The following SAFB variants were observed in gnomAD, a reference collection of about 807,000 sequenced individuals.
SAFB encodes scaffold attachment factor B, also known as scaffold attachment factor B1.
Under a neutral mutation model 101.6 loss-of-function variants are expected in SAFB, and 15 were observed. The ratio of observed to expected loss-of-function variants is 0.15; its 90% confidence interval spans 0.10 to 0.23. SAFB has a LOEUF of 0.23. Among genes scored for constraint, SAFB ranks in the 10% least tolerant of loss-of-function variants. The pLI is 1.00. For missense variants in SAFB, 930 were observed against 1,104.1 expected (o/e 0.84, Z 2.23); for synonymous variants, 449 against 407.5 (o/e 1.10, Z -1.23).
chr19:5,646,439 A>G (rs946950175), intron 5 of SAFB, among the ~76,000 whole-genome samples: 2 of 152,190 alleles, frequency 1.3e-5, no homozygotes, highest in African/African-American at 4.8e-5. Context: ...GGATCTTGTC[A>G]CTTTCCCCTG....
chr19:5,647,718 CT>C (rs536331999), intron 5 of SAFB, among the ~76,000 whole-genome samples: 24 of 152,298 alleles, frequency 1.6e-4, no homozygotes, highest in African/African-American at 5.5e-4. Context: ...AAACACTGCT[CT>C]CCTTGAATTT....
At chr19:5,662,643 CT>C (rs564198873) in intron 15 of SAFB, among the ~76,000 whole-genome samples, 1,676 of 138,980 alleles carry the variant, frequency 0.012, 18 homozygotes, top group African/African-American at 0.035. Context: ...AGGCCCTTTC[CT>C]TTTTTTTTTT....
At chr19:5,644,393 T>C (rs1877738633) in intron 4 of SAFB, among the ~76,000 whole-genome samples, 1 of 152,166 alleles carries the variant, frequency 6.6e-6, no homozygotes, top group South Asian at 2.1e-4. Context: ...TCAAACAATC[T>C]CCAAAAGAGA....
Position 5,667,049 on chromosome 19 carries a change from T to C in SAFB, c.2338T>C (p.Tyr780His), listed in dbSNP as rs770957925. Residue 780 changes from tyrosine to histidine, a missense_variant, in exon 18 of 21, where the codon TAC (tyrosine) becomes CAC (histidine). This residue lies in a region of SAFB where 318 missense variants were observed against 342.6 expected (regional missense o/e 0.93). Coordinates refer to ENST00000588852, the MANE Select transcript of SAFB (RefSeq NM_001201338.2). The surrounding 1 kb of genome is among the most constrained non-coding windows in gnomAD (Gnocchi z 4.0). ...SMMGEREGQH[Y>H]PERHGGPERH... ...CTTCTGGCTCTGTGATGTCCAGCAT[T>C]ACCCAGAACGCCATGGAGGACCAGA... 3.1e-6 allele frequency: 5 copies of C among 1,597,466 alleles called. No homozygotes were observed. In the South Asian group the frequency reaches 5.5e-5, roughly 18 times the overall value.
At position 5,623,677 on chromosome 19, in the gene SAFB, T is replaced by G. The variant is rs115239699; in HGVS notation, c.189+283T>G. 5.5e-3 allele frequency among the ~76,000 whole-genome samples: 836 copies of G among 152,048 alleles called. 3 individuals carry two copies. Among genetic ancestry groups the G allele is most frequent in the African/African-American group, 0.02 (810 of 41,502 alleles). On this transcript the variant is annotated intron_variant, in intron 1 of 20. Coordinates refer to ENST00000588852, the MANE Select transcript of SAFB (RefSeq NM_001201338.2). ...ACATCGTCCACTGAGAGGAGGGTTC[T>G]CCCCTCGTCTCGTCCCCTCCTCCGT...
At chr19:5,652,204 A>T (rs1332048760) in intron 9 of SAFB, among the ~76,000 whole-genome samples, 1 of 152,054 alleles carries the variant, frequency 6.6e-6, no homozygotes, top group Non-Finnish European at 1.5e-5. Context: ...AAAAGAAAAA[A>T]AAAAAGGATA....
chr19:5,642,318 G>A (rs1189561400), intron 4 of SAFB, among the ~76,000 whole-genome samples: 1 of 152,158 alleles, frequency 6.6e-6, no homozygotes, highest in African/African-American at 2.4e-5. Flanking sequence ...TGGGTGCCTT[G>A]ATGCACTCAT....
chr19:5,642,618 A>G (rs1233083631), intron 4 of SAFB, among the ~76,000 whole-genome samples: 2 of 143,374 alleles, frequency 1.4e-5, no homozygotes, highest in Non-Finnish European at 3.0e-5. Flanking sequence ...CCTGAATACT[A>G]CCTACCAGGC....
intron 14 of SAFB, among the ~76,000 whole-genome samples, chr19:5,661,182 A>G (rs1449277844): frequency 6.6e-6 from 1 of 151,838 alleles, no homozygotes; most frequent in Non-Finnish European, 1.5e-5. Flanking sequence ...CAGCCTCCCA[A>G]AGTGCTGGCA....
intron 2 of SAFB, among the ~76,000 whole-genome samples, chr19:5,627,231 AC>A (rs935709671): frequency 3.3e-5 from 5 of 151,918 alleles, no homozygotes; most frequent in African/African-American, 1.2e-4. Context: ...TGTAATCCCA[AC>A]ACTTTGGGAA....
chr19:5,648,475 T>C (rs2053870750), intron 6 of SAFB: 1 of 277,626 alleles, frequency 3.6e-6, no homozygotes, highest in Admixed American at 5.1e-5. Flanking sequence ...ATTTGAGACA[T>C]AACTGGATTC....
intron 14 of SAFB, among the ~76,000 whole-genome samples, chr19:5,658,687 C>CA (rs940965636): frequency 6.6e-6 from 1 of 151,558 alleles, no homozygotes; most frequent in African/African-American, 2.4e-5. Flanking sequence ...ACTAAAAATA[C>CA]AAAAAATGAA....
chr19:5,624,351 C>T (rs2087103728), intron 1 of SAFB, among the ~76,000 whole-genome samples: 2 of 152,022 alleles, frequency 1.3e-5, no homozygotes, highest in African/African-American at 4.8e-5. Context: ...GTGTGGTTGC[C>T]ATCACGATTC....
intron 13 of SAFB, among the ~76,000 whole-genome samples, chr19:5,654,728 C>A (rs765547214): frequency 6.6e-6 from 1 of 152,100 alleles, no homozygotes; most frequent in Non-Finnish European, 1.5e-5. Flanking sequence ...GGATTACAGG[C>A]GCACACCATT....
intron 2 of SAFB, among the ~76,000 whole-genome samples, chr19:5,640,469 G>A (rs1008564309): frequency 1.4e-5 from 2 of 148,080 alleles, no homozygotes; most frequent in South Asian, 2.2e-4. Context: ...GGATTCAAGC[G>A]ATTCTCCTGC....
In SAFB at chr19:5,648,018, A is replaced by C; in HGVS notation, c.612A>C (p.Glu204Asp). The C allele has an allele frequency of 6.2e-7, 1 of 1,613,516 alleles. No homozygotes were observed. Among genetic ancestry groups the C allele is most frequent in the Middle Eastern group, 1.7e-4 (1 of 6,058 alleles). ...TSSSDFTILQ[E>D]IEEPSLEPEN... ...CTTATTTACGTTTTTTCTTGCAGGAAATTGAAGAGCCATCCCTGGAGCCAG... is the reference window on the plus strand; with the variant it reads ...CTTATTTACGTTTTTTCTTGCAGGACATTGAAGAGCCATCCCTGGAGCCAG... The change falls in exon 6 of 21, where the codon GAA becomes GAC. Residue 204 changes from glutamate (E) to aspartate (D), a missense_variant and splice_region_variant. This residue lies in a region of SAFB where 130 missense variants were observed against 114.2 expected (regional missense o/e 1.14). Coordinates refer to ENST00000588852, the MANE Select transcript of SAFB (RefSeq NM_001201338.2).
rs766661025 is a variant in SAFB, at chr19:5,667,094, C to A, written c.2383C>A (p.Arg795Ser). 1 of 1,612,640 alleles carries A rather than the reference C, an allele frequency of 6.2e-7. No individual in the cohort carries two copies. Among genetic ancestry groups the A allele is most frequent in the South Asian group, 1.1e-5 (1 of 91,062 alleles). ...ACCAGAGCGCCACGGCCGGGACTCCCGCGATGGCTGGGGGGGCTATGGCTC... is the reference window on the plus strand; with the variant it reads ...ACCAGAGCGCCACGGCCGGGACTCCAGCGATGGCTGGGGGGGCTATGGCTC... ...GGPERHGRDS[R>S]DGWGGYGSDK... Residue 795 changes from arginine to serine, a missense_variant, in exon 18 of 21, where the codon CGC becomes AGC. By Grantham distance (110) the Arg-to-Ser change is moderately radical (BLOSUM62 -1). Around this residue, in one of 7 missense-constraint regions of SAFB, gnomAD observed 318 missense variants for 342.6 expected, o/e 0.93. Coordinates refer to ENST00000588852, the MANE Select transcript of SAFB (RefSeq NM_001201338.2). The surrounding 1 kb of genome is among the most constrained non-coding windows in gnomAD (Gnocchi z 4.0).
In SAFB at chr19:5,657,619, C is replaced by T. The variant is rs181270983; in HGVS notation, c.1862+272C>T. ...TGACCTCGGCTCACTGCAACCTCCG[C>T]CTCCAAGCAATTCTCCAGCCTCAGC... On this transcript the variant is annotated intron_variant, in intron 14 of 20. Transcript: ENST00000588852. Among the ~76,000 whole-genome samples the T allele has an allele frequency of 9.2e-5, 14 of 152,266 alleles. No individual in the cohort carries two copies. In the East Asian group the frequency reaches 2.7e-3, roughly 29 times the overall value.
chr19:5,664,577 T>A, intron 17 of SAFB, 138 bp downstream of exon 17: 1 of 701,144 alleles, frequency 1.4e-6, no homozygotes, highest in Non-Finnish European at 2.5e-6. Flanking sequence ...TAGAAAAGTC[T>A]AGGTTTGTGG....
Sources: gnomAD v4.1 joint callset for allele counts (sites outside exome capture counted in the v4.1 genomes callset) on GRCh38, gnomAD v4.1.1 for gene constraint, gnomAD v4.1.1 regional missense constraint, Gnocchi (gnomAD v3.1) non-coding constraint, MANE v1.5 for transcripts, NCBI Gene and HGNC (gene_info 2026-07-23, HGNC 2026-07-21) for gene names.